IQSEC3: variants seen among roughly 807,000 people sequenced by gnomAD.
IQSEC3 encodes IQ motif and Sec7 domain ArfGEF 3.
In IQSEC3, 50 loss-of-function variants were observed where a neutral mutation model predicts 105.4. That is an observed-to-expected ratio of 0.47 (90% CI 0.38 to 0.60). The LOEUF is 0.60. IQSEC3 is among the 20% of genes least tolerant of loss of function. The probability of loss-of-function intolerance (pLI) is 0.00; values close to 1 mark genes in which losing one functional copy is unlikely to be tolerated. For synonymous variants in IQSEC3, 708 were observed against 746.0 expected (o/e 0.95, Z 0.83); for missense variants, 1,415 against 1,630.0 (o/e 0.87, Z 2.27).
chr12:132,131 A>T (rs1555085288), intron 3 of IQSEC3, among the ~76,000 whole-genome samples: 1 of 152,198 alleles, frequency 6.6e-6, no homozygotes, highest in Non-Finnish European at 1.5e-5. Context: ...AGAGGGCTGC[A>T]TGGAGGAGAC....
At chr12:163,654 G>A (rs1867029692) in intron 9 of IQSEC3, 35 bp downstream of exon 9, 5 of 1,231,836 alleles carry the variant, frequency 4.1e-6, no homozygotes, top group Non-Finnish European at 6.0e-6. Context: ...GGGCTGGGCT[G>A]GGGCTGCCTC....
rs781916536 is a variant in IQSEC3, at chr12:169,080, A to C, written c.3039A>C (p.Pro1013=). 5.6e-6 allele frequency: 9 copies of C among 1,613,978 alleles called. No individual in the cohort carries two copies. The highest frequency in any genetic ancestry group is 3.3e-4 in the Middle Eastern group (2 of 6,062). The change falls in exon 12 of 14, where the codon CCA becomes CCC. Residue 1013 remains proline, a synonymous_variant. Transcript: ENST00000538872. ...AGCCCTGCGGAGCCCAGGGGGACCC[A>C]CAGTCAAAGCAAGGATCGCCGACAG... The part of the protein sequence containing the change: ...SFKPCGAQGD[P]QSKQGSPTAK...
rs1939236950 is a variant in IQSEC3, at chr12:176,390, C to T, written c.*1357C>T. The T allele has an allele frequency of 6.6e-6, 1 of 152,324 alleles. No homozygotes were observed. The highest frequency in any genetic ancestry group is 2.1e-4 in the South Asian group (1 of 4,830). The allele number at this position is 152,324 out of a possible 1,614,324, so 9.4% of individuals were successfully genotyped here. The stretch of plus-strand genomic sequence containing the variant: ...CAGGCCCTATCAGGATGTGTCTGTC[C>T]CAAGCCTGGCCAGGCTCCAGTCCTG... On this transcript the variant is annotated 3_prime_UTR_variant, in exon 14 of 14. Transcript: ENST00000538872. The surrounding 1 kb of genome is among the most constrained non-coding windows in gnomAD (Gnocchi z 4.0).
At chr12:165,365 G>C (rs1555097903) in intron 9 of IQSEC3, 69 bp from the exon 10 acceptor site, 1 of 1,154,806 alleles carries the variant, frequency 8.7e-7, no homozygotes, top group African/African-American at 1.5e-5. Context: ...CATCCCCCGG[G>C]TGTTTGTGCA....
chr12:76,129 C>CT (rs1863514437), intron 1 of IQSEC3, among the ~76,000 whole-genome samples: 1 of 146,698 alleles, frequency 6.8e-6, no homozygotes, highest in East Asian at 2.0e-4. Context: ...CACACACACA[C>CT]ACAAGGCCTC....
chr12:91,587 C>T (rs1157118297), intron 1 of IQSEC3, among the ~76,000 whole-genome samples: 5 of 152,142 alleles, frequency 3.3e-5, no homozygotes, highest in Non-Finnish European at 7.3e-5. Context: ...CCAGCCTGGG[C>T]AGCATGATGA....
At chr12:160,328 A>C (rs1213439647) in intron 7 of IQSEC3, among the ~76,000 whole-genome samples, 1 of 152,036 alleles carries the variant, frequency 6.6e-6, no homozygotes, top group East Asian at 1.9e-4. Context: ...CTGGCTGGTG[A>C]GCTTTCTTGT....
At chr12:84,693 C>T (rs1463700625) in intron 1 of IQSEC3, among the ~76,000 whole-genome samples, 4 of 152,030 alleles carry the variant, frequency 2.6e-5, no homozygotes, top group African/African-American at 9.7e-5. Flanking sequence ...GTATGTTGAG[C>T]CTTTGGGTTT....
intron 2 of IQSEC3, among the ~76,000 whole-genome samples, chr12:110,617 A>G (rs959897608): frequency 2.0e-5 from 3 of 152,076 alleles, no homozygotes; most frequent in Non-Finnish European, 2.9e-5. Context: ...TCTCTCCCAA[A>G]TGGTCATGGC....
chr12:108,789 C>A (rs1170128237), intron 2 of IQSEC3, among the ~76,000 whole-genome samples: 3 of 152,246 alleles, frequency 2.0e-5, no homozygotes, highest in Non-Finnish European at 4.4e-5. Flanking sequence ...GAGCTGCCAG[C>A]CTGTGGTGCC....
intron 12 of IQSEC3, among the ~76,000 whole-genome samples, chr12:170,895 G>A (rs1262520132): frequency 2.0e-5 from 3 of 152,210 alleles, no homozygotes; most frequent in Non-Finnish European, 4.4e-5. Context: ...CAGAAAGAGC[G>A]GCAGCGATCT....
intron 2 of IQSEC3, among the ~76,000 whole-genome samples, chr12:114,411 G>C (rs1555080219): frequency 1.3e-5 from 2 of 152,340 alleles, no homozygotes; most frequent in South Asian, 4.1e-4. Flanking sequence ...AGCAGGTGTT[G>C]GGCGTGGAGA....
At chr12:131,374 A>C (rs1555085073) in intron 3 of IQSEC3, among the ~76,000 whole-genome samples, 1 of 151,724 alleles carries the variant, frequency 6.6e-6, no homozygotes, top group East Asian at 1.9e-4. Flanking sequence ...ACCCTCCCGC[A>C]CCTCTCTCTG....
intron 1 of IQSEC3, among the ~76,000 whole-genome samples, chr12:85,580 G>A (rs1198819091): frequency 2.0e-5 from 3 of 152,214 alleles, no homozygotes; most frequent in Non-Finnish European, 2.9e-5. Flanking sequence ...TGGAGCTCGA[G>A]GACTGACAGC....
intron 2 of IQSEC3, among the ~76,000 whole-genome samples, chr12:124,351 T>C (rs2136965388): frequency 7.0e-6 from 1 of 142,244 alleles, no homozygotes; most frequent in African/African-American, 2.6e-5. Flanking sequence ...ATCTCACCAT[T>C]GCACTCCAGC....
chr12:171,132 A>T lies in IQSEC3; in HGVS notation c.3085A>T (p.Arg1029Trp). 6.2e-7 allele frequency: 1 copy of T among 1,614,092 alleles called. No homozygotes were observed. The highest frequency in any genetic ancestry group is 1.1e-5 in the South Asian group (1 of 91,082). ...CAAAGCCAAAAGGGAAGCCGCGCTC[A>T]GGGAGAGGCCGGCGGAGAGCACGGT... ...SPTAKREAAL[R>W]ERPAESTVEV... Residue 1029 changes from arginine to tryptophan, a missense_variant, in exon 13 of 14, where the codon AGG becomes TGG. Arg to Trp is a moderately radical substitution (Grantham distance 101). Transcript: ENST00000538872.
chr12:125,879 T>C lies in IQSEC3; in HGVS notation c.870T>C (p.Asp290=), dbSNP rs1327433636. 4 of 1,533,636 alleles carry C rather than the reference T, an allele frequency of 2.6e-6. No homozygotes were observed. Among genetic ancestry groups the C allele is most frequent in the East Asian group, 2.4e-5 (1 of 40,880 alleles). ...ALCPHAPAAS[D]YELSLDLKNK... ...GCCCCCACGCCCCTGCCGCCTCCGA[T>C]TACGAACTCTCCCTTGACCTAAAGA... Residue 290 remains aspartate (D), a synonymous_variant, in exon 3 of 14, where the codon GAT becomes GAC. Coordinates refer to ENST00000538872, the MANE Select transcript of IQSEC3 (RefSeq NM_001170738.2).
At chr12:97,281 T>C (rs561966028) in intron 1 of IQSEC3, among the ~76,000 whole-genome samples, 2 of 152,362 alleles carry the variant, frequency 1.3e-5, no homozygotes, top group East Asian at 3.9e-4. Context: ...TTTGCACATA[T>C]ACTTTCCTAG....
chr12:67,288 C>T lies in IQSEC3; in HGVS notation c.406C>T (p.Gln136Ter). The change falls in exon 1 of 14, where the codon CAG becomes TAG. Residue 136 changes from glutamine (Q) to a stop codon, truncating the protein, a stop_gained. Transcript: ENST00000538872. LOFTEE classifies it high-confidence loss of function. ...RGPGSRAHTP[Q>*]SPHKHLGTQG... ...CCCTGGCAGCAGGGCTCACACACCC[C>T]AGTCGCCCCACAAGCATCTGGGGAC... The T allele has an allele frequency of 6.3e-7, 1 of 1,598,036 alleles. No homozygotes were observed.
Sources: gnomAD v4.1 joint callset for allele counts (sites outside exome capture counted in the v4.1 genomes callset) on GRCh38, gnomAD v4.1.1 for gene constraint, Gnocchi (gnomAD v3.1) non-coding constraint, MANE v1.5 for transcripts, NCBI Gene and HGNC (gene_info 2026-07-23, HGNC 2026-07-21) for gene names.